Variants in FOXJ3 observed in about 807,000 individuals in gnomAD.
FOXJ3 encodes the protein forkhead box J3, also known as forkhead box protein J3.
A neutral mutation model predicts 76.1 loss-of-function variants in FOXJ3; 22 were observed. That is an observed-to-expected ratio of 0.29 (90% CI 0.21 to 0.41). The LOEUF (loss-of-function observed/expected upper bound fraction) is 0.41. Ranked by LOEUF, FOXJ3 falls within the 10% of genes least tolerant of loss-of-function variation. The probability of loss-of-function intolerance (pLI) is 1.00; values close to 1 mark genes in which losing one functional copy is unlikely to be tolerated. For missense variants in FOXJ3, 613 were observed against 762.1 expected, an observed-to-expected ratio of 0.80 and a Z score of 2.30; for synonymous variants, 269 against 261.2, an observed-to-expected ratio of 1.03 and a Z score of -0.29.
chr1:42,277,174 T>C (rs1410978551), intron 3 of FOXJ3, among the ~76,000 whole-genome samples: 1 of 152,140 alleles, frequency 6.6e-6, no homozygotes, highest in African/African-American at 2.4e-5. Context: ...CCAGGCACAG[T>C]GTCTCACACC....
At chr1:42,242,483 A>G (rs1225644248) in intron 4 of FOXJ3, among the ~76,000 whole-genome samples, 3 of 151,772 alleles carry the variant, frequency 2.0e-5, no homozygotes, top group Non-Finnish European at 4.4e-5. Flanking sequence ...AATTCATTTG[A>G]GAGCTTCGAC....
intron 2 of FOXJ3, among the ~76,000 whole-genome samples, chr1:42,306,909 G>A (rs961876033): frequency 1.3e-5 from 2 of 152,100 alleles, no homozygotes; most frequent in Non-Finnish European, 1.5e-5. Context: ...GAACAAGGAT[G>A]GCAGCTATTT....
chr1:42,231,535 G>A (rs1648115257), intron 4 of FOXJ3, among the ~76,000 whole-genome samples: 1 of 152,092 alleles, frequency 6.6e-6, no homozygotes, highest in African/African-American at 2.4e-5. Flanking sequence ...AGATGAAAAC[G>A]TTCTCGAGAT....
At chr1:42,250,889 A>AT (rs903031310) in intron 4 of FOXJ3, among the ~76,000 whole-genome samples, 7 of 144,612 alleles carry the variant, frequency 4.8e-5, no homozygotes, top group African/African-American at 1.7e-4. Flanking sequence ...CTGAAAATAG[A>AT]TAAGTAGAAA....
intron 4 of FOXJ3, among the ~76,000 whole-genome samples, chr1:42,250,764 C>T (rs1423802742): frequency 5.6e-5 from 8 of 143,690 alleles, no homozygotes; most frequent in Non-Finnish European, 1.2e-4. Flanking sequence ...CGCCATTGCA[C>T]TCCAGCCTGA....
chr1:42,229,621 T>A (rs1252385627), intron 4 of FOXJ3, among the ~76,000 whole-genome samples: 1 of 152,162 alleles, frequency 6.6e-6, no homozygotes, highest in East Asian at 1.9e-4. Flanking sequence ...GGTCACTACA[T>A]TTCAGCTAAG....
rs1178385858 is a variant in FOXJ3 at position 42,177,560 on chromosome 1, T to A, written c.*2150A>T. The A allele has an allele frequency of 1.3e-5, 2 of 152,598 alleles. No individual in the cohort carries two copies. Among genetic ancestry groups the A allele is most frequent in the African/African-American group, 4.8e-5 (2 of 41,420 alleles). The allele number at this position is 152,598 out of a possible 1,614,324, so 9.5% of individuals were successfully genotyped here. On this transcript the variant is annotated 3_prime_UTR_variant, in exon 13 of 13. Coordinates refer to ENST00000361346, the MANE Select transcript of FOXJ3 (RefSeq NM_014947.5). ...CATCTCATCTTGCCTCTGATCCTTC[T>A]AAGAGGCGCAAGTTGGCTGCCTTTC...
At chr1:42,262,527 C>A (rs1484160122) in intron 4 of FOXJ3, among the ~76,000 whole-genome samples, 1 of 152,134 alleles carries the variant, frequency 6.6e-6, no homozygotes, top group East Asian at 1.9e-4. Flanking sequence ...CTATGTCTGA[C>A]CAAAATCAAA....
At chr1:42,229,911 G>C (rs1019524388) in intron 4 of FOXJ3, among the ~76,000 whole-genome samples, 13 of 152,168 alleles carry the variant, frequency 8.5e-5, no homozygotes, top group Admixed American at 5.2e-4. Context: ...ATTTAGTTTT[G>C]TTTTGGATGG....
intron 4 of FOXJ3, among the ~76,000 whole-genome samples, chr1:42,262,011 T>C (rs182751372): frequency 6.6e-6 from 1 of 152,296 alleles, no homozygotes; most frequent in African/African-American, 2.4e-5. Context: ...ATTCTAAGAC[T>C]TTTTCTGTAA....
At chr1:42,260,768 A>T (rs1650971711) in intron 4 of FOXJ3, among the ~76,000 whole-genome samples, 1 of 152,198 alleles carries the variant, frequency 6.6e-6, no homozygotes, top group African/African-American at 2.4e-5. Flanking sequence ...GGAGAACCCA[A>T]TCTCTATGGT....
At chr1:42,300,215 CAG>C (rs905312914) in intron 2 of FOXJ3, among the ~76,000 whole-genome samples, 1 of 152,002 alleles carries the variant, frequency 6.6e-6, no homozygotes, top group African/African-American at 2.4e-5. Flanking sequence ...AAAATAGAGA[CAG>C]AGATATAGAT....
chr1:42,212,801 C>T (rs12725808), intron 5 of FOXJ3, among the ~76,000 whole-genome samples: 1 of 151,788 alleles, frequency 6.6e-6, no homozygotes, highest in African/African-American at 2.4e-5. Context: ...AGAAAGAAGT[C>T]TAAGAGCAGT....
chr1:42,331,322 C>T (rs1281368950), intron 1 of FOXJ3, among the ~76,000 whole-genome samples: 1 of 152,010 alleles, frequency 6.6e-6, no homozygotes, highest in Non-Finnish European at 1.5e-5. Flanking sequence ...GCAGAGGTTG[C>T]AGCGAGCCGA....
At chr1:42,288,444 G>GT (rs1044139986) in intron 2 of FOXJ3, among the ~76,000 whole-genome samples, 33 of 152,244 alleles carry the variant, frequency 2.2e-4, no homozygotes, top group African/African-American at 7.7e-4. Flanking sequence ...TCTTTCATCA[G>GT]TTTTTTTCTC....
At chr1:42,333,432 T>C (rs1379450554) in intron 1 of FOXJ3, among the ~76,000 whole-genome samples, 1 of 152,044 alleles carries the variant, frequency 6.6e-6, no homozygotes, top group Non-Finnish European at 1.5e-5. Context: ...AATGAAAGCA[T>C]GAGAAACTTC....
At chr1:42,210,753 T>A (rs1318554118) in intron 5 of FOXJ3, among the ~76,000 whole-genome samples, 1 of 152,052 alleles carries the variant, frequency 6.6e-6, no homozygotes, top group Non-Finnish European at 1.5e-5. Context: ...CCCACCCCCA[T>A]CAGAGCTGGT....
chr1:42,317,042 A>T (rs536492805), intron 1 of FOXJ3, among the ~76,000 whole-genome samples: 41 of 152,216 alleles, frequency 2.7e-4, no homozygotes, highest in African/African-American at 8.4e-4. Flanking sequence ...TTAAAAATTC[A>T]TTTTTTATTT....
intron 1 of FOXJ3, among the ~76,000 whole-genome samples, chr1:42,327,960 A>G: frequency 6.6e-6 from 1 of 152,158 alleles, no homozygotes; most frequent in East Asian, 1.9e-4. Flanking sequence ...ATTTGAAGAC[A>G]ATAAAAATAG....
Sources: gnomAD v4.1 joint callset for allele counts (sites outside exome capture counted in the v4.1 genomes callset) on GRCh38, gnomAD v4.1.1 for gene constraint, MANE v1.5 for transcripts, NCBI Gene and HGNC (gene_info 2026-07-23, HGNC 2026-07-21) for gene names.